The following ZBTB40 variants were observed in gnomAD, a reference collection of about 807,000 sequenced individuals.
ZBTB40 encodes the protein zinc finger and BTB domain-containing protein 40.
In ZBTB40, 60 loss-of-function variants were observed where a neutral mutation model predicts 117.5. The ratio of observed to expected loss-of-function variants is 0.51; its 90% CI spans 0.41 to 0.63. ZBTB40 has a LOEUF of 0.63. ZBTB40 is among the 30% of genes least tolerant of loss of function. The pLI, the probability that ZBTB40 is intolerant of heterozygous loss-of-function variation, is 0.00. For missense variants in ZBTB40, 1,287 were observed against 1,498.5 expected, an observed-to-expected ratio of 0.86 and a Z score of 2.33; for synonymous variants, 525 against 577.1, an observed-to-expected ratio of 0.91 and a Z score of 1.29.
chr1:22,452,891 G>C (rs1640916908), intron 1 of ZBTB40: 1 of 152,334 alleles, frequency 6.6e-6, no homozygotes, highest in African/African-American at 2.4e-5. Flanking sequence ...CAATGAACCA[G>C]GTGCTTTATT....
At chr1:22,468,999 T>G (rs2124401369) in intron 1 of ZBTB40, among the ~76,000 whole-genome samples, 1 of 152,018 alleles carries the variant, frequency 6.6e-6, no homozygotes, top group South Asian at 2.1e-4. Context: ...GCTAATTTTT[T>G]GGTATTTTTT....
intron 3 of ZBTB40, among the ~76,000 whole-genome samples, chr1:22,494,735 A>G (rs770959338): frequency 2.0e-5 from 3 of 152,222 alleles, no homozygotes; most frequent in Non-Finnish European, 2.9e-5. Flanking sequence ...AGCAACTGAT[A>G]TGTGCCAGAC....
intron 1 of ZBTB40, among the ~76,000 whole-genome samples, chr1:22,441,359 G>C (rs766005575): frequency 3.3e-5 from 5 of 151,536 alleles, no homozygotes; most frequent in Non-Finnish European, 5.9e-5. Context: ...AGTCTGTCTA[G>C]CTAAAGATTT....
At chr1:22,458,491 C>G (rs543541703) in intron 1 of ZBTB40, among the ~76,000 whole-genome samples, 2 of 152,324 alleles carry the variant, frequency 1.3e-5, no homozygotes, top group East Asian at 3.9e-4. Flanking sequence ...CCCTGGACTT[C>G]CCTGCTGCTG....
Position 22,522,354 on chromosome 1 carries a change from G to A in ZBTB40, c.3212-23G>A, listed in dbSNP as rs528411543. ...CCAACCATTTGTTCTTTCCCAGCACGTCTTTCTTTATGCACTTCACAGATA... is the reference window on the plus strand; with the variant it reads ...CCAACCATTTGTTCTTTCCCAGCACATCTTTCTTTATGCACTTCACAGATA... On this transcript the variant is annotated intron_variant, in intron 15 of 17. Transcript: ENST00000375647. The A allele has an allele frequency of 1.2e-5, 20 of 1,613,072 alleles. No individual in the cohort carries two copies. In the South Asian group the frequency reaches 1.5e-4, roughly 12 times the overall value.
At chr1:22,492,741 G>A (rs1022955603) in intron 3 of ZBTB40, among the ~76,000 whole-genome samples, 4 of 152,196 alleles carry the variant, frequency 2.6e-5, no homozygotes, top group African/African-American at 9.7e-5. Flanking sequence ...TGGGAGACAA[G>A]CTATTTACAA....
rs59021263 is a variant in ZBTB40 at position 22,431,384 on chromosome 1, G to GTATATATATATA, written c.-70+2384_-70+2395dup. Among the ~76,000 whole-genome samples the GTATATATATATA allele has an allele frequency of 8.6e-3, 1,031 of 119,544 alleles. 16 individuals carry two copies. The highest frequency in any genetic ancestry group is 0.027 in the African/African-American group (715 of 26,880). 78.4% of individuals were successfully genotyped at this position (119,544 alleles called of 152,430 possible). A position where few individuals can be genotyped will look rare whatever the true frequency, so the allele number is the denominator to read the frequency against. ...ATTTTGTGTGTGTGTGTGTGTGTGT[G>GTATATATATATA]TATATATATATATATATATATATAT... On this transcript the variant is annotated intron_variant, in intron 1 of 8. Transcript: ENST00000650433.
chr1:22,524,172 G>A (rs377700828), intron 16 of ZBTB40, 46 bp from the exon 17 acceptor site: 4 of 1,584,032 alleles, frequency 2.5e-6, no homozygotes, highest in African/African-American at 2.7e-5. Context: ...ATTTTACCCA[G>A]AGAATTTTAC....
intron 1 of ZBTB40, among the ~76,000 whole-genome samples, chr1:22,489,599 C>T (rs890820023): frequency 1.3e-5 from 2 of 152,150 alleles, no homozygotes; most frequent in African/African-American, 4.8e-5. Context: ...CCAATCTCAT[C>T]TGTAAAATGG....
In ZBTB40 at chr1:22,511,168, T is replaced by C. The variant is rs759541549; in HGVS notation, c.1834-11T>C. 2 of 1,613,202 alleles carry C rather than the reference T, an allele frequency of 1.2e-6. No homozygotes were observed. On this transcript the variant is annotated splice_polypyrimidine_tract_variant and intron_variant, in intron 9 of 17. Coordinates refer to ENST00000375647, the MANE Select transcript of ZBTB40 (RefSeq NM_014870.4). ...TTAACCCCACACCTTTGTCTCCTGG[T>C]ATTCATTTAGATTCTGAGCATTCCC...
At chr1:22,450,645 A>G (rs1640850173), upstream of ZBTB40, among the ~76,000 whole-genome samples, 1 of 152,188 alleles carries the variant, frequency 6.6e-6, no homozygotes, top group African/African-American at 2.4e-5. Context: ...TTTTGAACAG[A>G]ACCGTTTGAA....
In ZBTB40 at chr1:22,430,814, G is replaced by A. The variant is rs138392737; in HGVS notation, c.-70+1800G>A. ...TTGTCCTTACCCCATGGGTTAATTA[G>A]AGATATAGTTTTTAGTTTTCAGACA... is the stretch of plus-strand genomic sequence containing the variant. On this transcript the variant is annotated intron_variant, in intron 1 of 8. Coordinates refer to the ZBTB40 transcript ENST00000650433. Among the ~76,000 whole-genome samples, 478 of 152,172 alleles carry A rather than the reference G, an allele frequency of 3.1e-3. 1 individual carries two copies. Among genetic ancestry groups the A allele is most frequent in the Middle Eastern group, 0.01 (3 of 294 alleles).
At chr1:22,468,465 CTTTTTTTTTTTTTT>C (rs555995462) in intron 1 of ZBTB40, among the ~76,000 whole-genome samples, 2,534 of 51,730 alleles carry the variant, frequency 0.049, 83 homozygotes, top group Admixed American at 0.19. Context: ...TTAATGTTTC[CTTTTTTTTTTTTTT>C]TTTTTTTTTT....
intron 1 of ZBTB40, among the ~76,000 whole-genome samples, chr1:22,467,284 G>A (rs1443813647): frequency 6.6e-6 from 1 of 152,138 alleles, no homozygotes; most frequent in Non-Finnish European, 1.5e-5. Context: ...AGCAGTGCAA[G>A]TAAAGTATAC....
In ZBTB40 at chr1:22,465,954, CCAT is replaced by C. The variant is rs1342567034; in HGVS notation, c.-70+13953_-70+13955del. Among the ~76,000 whole-genome samples the C allele has an allele frequency of 2.0e-5, 3 of 152,210 alleles. No individual in the cohort carries two copies. In the East Asian group the frequency reaches 5.8e-4, roughly 29 times the overall value. On this transcript the variant is annotated intron_variant, in intron 1 of 17. Coordinates refer to ENST00000375647, the MANE Select transcript of ZBTB40 (RefSeq NM_014870.4). The stretch of plus-strand genomic sequence containing the variant: ...ACTGGATCAGCTGCCACCATTATAA[CCAT>C]CACCACTTTCCAATTCCAGAACGTG...
chr1:22,505,745 T>C (rs748944428), intron 5 of ZBTB40, among the ~76,000 whole-genome samples: 2 of 152,232 alleles, frequency 1.3e-5, no homozygotes, highest in Non-Finnish European at 2.9e-5. Context: ...GGCTACTTGC[T>C]GTATCATATA....
chr1:22,482,102 T>G (rs2124419398), intron 1 of ZBTB40, among the ~76,000 whole-genome samples: 1 of 152,224 alleles, frequency 6.6e-6, no homozygotes, highest in Admixed American at 6.5e-5. Flanking sequence ...CTTCATTTGT[T>G]TAAAAATATA....
intron 1 of ZBTB40, among the ~76,000 whole-genome samples, chr1:22,487,840 G>A (rs1036451419): frequency 1.3e-5 from 2 of 152,006 alleles, no homozygotes; most frequent in Admixed American, 6.5e-5. Flanking sequence ...CTCCAAGCTC[G>A]TAAGCATGGC....
intron 1 of ZBTB40, among the ~76,000 whole-genome samples, chr1:22,430,474 T>C (rs752712984): frequency 6.6e-6 from 1 of 152,124 alleles, no homozygotes; most frequent in Non-Finnish European, 1.5e-5. Context: ...ACCTGTAGTT[T>C]CAGCTACACT....
Sources: allele counts gnomAD v4.1 joint callset (sites outside exome capture counted in the v4.1 genomes callset), GRCh38; gene constraint gnomAD v4.1.1; transcripts MANE v1.5; gene names NCBI Gene and HGNC (gene_info 2026-07-23, HGNC 2026-07-21).